DNAJC11: variants seen among roughly 807,000 people sequenced by gnomAD.
DNAJC11 encodes the protein dnaJ homolog subfamily C member 11.
In DNAJC11, 15 loss-of-function variants were observed where a neutral mutation model predicts 78.6. The observed-to-expected ratio is 0.19, with a 90% confidence interval of 0.13 to 0.29. The LOEUF is 0.29. Ranked by LOEUF, DNAJC11 falls within the 10% of genes least tolerant of loss-of-function variation. The probability of loss-of-function intolerance (pLI) is 1.00; values close to 1 mark genes in which losing one functional copy is unlikely to be tolerated. For synonymous variants in DNAJC11, 292 were observed against 272.1 expected (o/e 1.07, Z -0.72); for missense variants, 547 against 709.6 (o/e 0.77, Z 2.60).
In DNAJC11 at chr1:6,653,920, C is replaced by CTGGG; in HGVS notation, c.494_497dup (p.Gln166HisfsTer5). 6.2e-7 allele frequency: 1 copy of CTGGG among 1,612,460 alleles called. No homozygotes were observed. Among genetic ancestry groups the CTGGG allele is most frequent in the Non-Finnish European group, 8.5e-7 (1 of 1,178,774 alleles). Reference sequence around the variant, plus strand: ...TGGTTGTGTGCTTTACCTCAATGGACTGGGATATGTGCATTTTATTAATTT... The same window carrying CTGGG: ...TGGTTGTGTGCTTTACCTCAATGGACTGGGTGGGATATGTGCATTTTATTAATTT... On this transcript the variant is annotated frameshift_variant, in exon 5 of 16. Transcript: ENST00000377577. LOFTEE classifies it high-confidence loss of function. This position sits in a 1 kb window ranked among gnomAD's most constrained non-coding sequence, Gnocchi z 4.5.
intron 1 of DNAJC11, among the ~76,000 whole-genome samples, chr1:6,699,755 T>A (rs548216665): frequency 1.6e-4 from 24 of 149,260 alleles, no homozygotes; most frequent in African/African-American, 4.9e-4. Context: ...AAGTATAATT[T>A]AAAAAAAAAA....
Position 6,652,856 on chromosome 1 carries a change from T to C in DNAJC11, c.603A>G (p.Arg201=). 3.7e-6 allele frequency: 6 copies of C among 1,614,216 alleles called. No homozygotes were observed. The highest frequency in any genetic ancestry group is 5.1e-6 in the Non-Finnish European group (6 of 1,180,052). The stretch of plus-strand genomic sequence containing the variant: ...CTCCCCATCCCTTTGCCGAAGTTAC[T>C]CGTCTGAGCGCAAAGTTAATGGAAC... The part of the protein sequence containing the change: ...GGGSINFALR[R]VTSAKGWGEL... Residue 201 remains arginine, a synonymous_variant, in exon 6 of 16, where the codon CGA becomes CGG. Coordinates refer to ENST00000377577, the MANE Select transcript of DNAJC11 (RefSeq NM_018198.4).
intron 1 of DNAJC11, among the ~76,000 whole-genome samples, chr1:6,700,070 T>C (rs1320436423): frequency 1.3e-5 from 2 of 152,186 alleles, no homozygotes; most frequent in Admixed American, 6.5e-5. Context: ...TATTCCACCA[T>C]GGTGATTTAC....
intron 7 of DNAJC11, among the ~76,000 whole-genome samples, chr1:6,650,023 C>T (rs905218771): frequency 6.6e-6 from 1 of 151,918 alleles, no homozygotes; most frequent in Non-Finnish European, 1.5e-5. Context: ...GTGGCTCACA[C>T]CTGTAATGCC....
intron 1 of DNAJC11, among the ~76,000 whole-genome samples, chr1:6,698,092 G>A (rs1446105763): frequency 6.6e-6 from 1 of 152,130 alleles, no homozygotes; most frequent in Non-Finnish European, 1.5e-5. Context: ...CCCAGCCTAT[G>A]CTTATAATTT....
At chr1:6,650,167 T>G (rs1396496803) in intron 7 of DNAJC11, among the ~76,000 whole-genome samples, 1 of 151,610 alleles carries the variant, frequency 6.6e-6, no homozygotes, top group Non-Finnish European at 1.5e-5. Context: ...TCCCAGCTAC[T>G]CAGGAGGGTC....
chr1:6,680,817 ACTCTCTTTTTCTATCCTCTACAAAT>A lies in DNAJC11; in HGVS notation c.202+66_202+90del. 1 of 1,500,192 alleles carries A rather than the reference ACTCTCTTTTTCTATCCTCTACAAAT, an allele frequency of 6.7e-7. No individual in the cohort carries two copies. Among genetic ancestry groups the A allele is most frequent in the South Asian group, 1.2e-5 (1 of 80,462 alleles). 92.9% of individuals were successfully genotyped at this position (1,500,192 alleles called of 1,614,324 possible). ...CCACCTGTTTTATATACCTCTAAGG[ACTCTCTTTTTCTATCCTCTACAAAT>A]CGCACCTCCTAAAAATCGAATATCT... On this transcript the variant is annotated intron_variant, in intron 2 of 15. Coordinates refer to ENST00000377577, the MANE Select transcript of DNAJC11 (RefSeq NM_018198.4). This position sits in a 1 kb window ranked among gnomAD's most constrained non-coding sequence, Gnocchi z 4.0.
chr1:6,677,171 A>AC lies in DNAJC11; in HGVS notation c.276+1222_276+1223insG, dbSNP rs1338774144. Among the ~76,000 whole-genome samples, 4 of 151,386 alleles carry AC rather than the reference A, an allele frequency of 2.6e-5. 1 individual carries two copies. Among genetic ancestry groups the AC allele is most frequent in the Admixed American group, 2.0e-4 (3 of 15,132 alleles). ...AAAACTTGGTCTCAAAAAAAAAAAA[A>AC]AAACAAAAAAAACGAAGGAACTTCA... On this transcript the variant is annotated intron_variant, in intron 3 of 15. Coordinates refer to ENST00000377577, the MANE Select transcript of DNAJC11 (RefSeq NM_018198.4).
intron 4 of DNAJC11, among the ~76,000 whole-genome samples, chr1:6,664,056 C>T (rs904485825): frequency 2.6e-5 from 4 of 152,122 alleles, no homozygotes; most frequent in Non-Finnish European, 5.9e-5. Context: ...GTTTCATCAG[C>T]TGGAGCCAGC....
At chr1:6,637,760 C>A in intron 12 of DNAJC11, 1 of 573,282 alleles carries the variant, frequency 1.7e-6, no homozygotes, top group Non-Finnish European at 3.1e-6. Flanking sequence ...CCGGTGGGAG[C>A]TCCCTTTCTA....
intron 1 of DNAJC11, among the ~76,000 whole-genome samples, chr1:6,690,881 G>T (rs1216899448): frequency 6.6e-6 from 1 of 152,136 alleles, no homozygotes; most frequent in Non-Finnish European, 1.5e-5. Context: ...CATCTTTGTT[G>T]AGGACAGAGG....
At chr1:6,700,368 C>T (rs1317794704) in intron 1 of DNAJC11, among the ~76,000 whole-genome samples, 1 of 152,158 alleles carries the variant, frequency 6.6e-6, no homozygotes, top group East Asian at 1.9e-4. Context: ...TTATTGCTCA[C>T]ACAAAGCCTG....
chr1:6,649,623 C>T (rs1046108744), intron 7 of DNAJC11, among the ~76,000 whole-genome samples: 2 of 152,188 alleles, frequency 1.3e-5, no homozygotes, highest in Non-Finnish European at 1.5e-5. Context: ...CACAGACAAA[C>T]GACCAGACTA....
intron 4 of DNAJC11, among the ~76,000 whole-genome samples, chr1:6,655,449 A>G (rs1018265836): frequency 7.9e-5 from 12 of 152,242 alleles, no homozygotes; most frequent in Non-Finnish European, 1.3e-4. Flanking sequence ...CAAATTTTTT[A>G]TATTCACAGA....
chr1:6,701,114 C>A (rs1349344944), intron 1 of DNAJC11, among the ~76,000 whole-genome samples: 1 of 152,186 alleles, frequency 6.6e-6, no homozygotes, highest in African/African-American at 2.4e-5. Flanking sequence ...TAATCTGCAG[C>A]CTCCGAGCCG....
intron 1 of DNAJC11, among the ~76,000 whole-genome samples, chr1:6,692,911 T>A (rs967180483): frequency 2.1e-5 from 3 of 145,670 alleles, no homozygotes; most frequent in African/African-American, 7.7e-5. Flanking sequence ...GCGCCCAGCC[T>A]CTTTTTTTTT....
intron 4 of DNAJC11, among the ~76,000 whole-genome samples, chr1:6,659,615 A>C (rs1426045866): frequency 6.6e-6 from 1 of 151,844 alleles, no homozygotes; most frequent in Non-Finnish European, 1.5e-5. Flanking sequence ...CAAAAACATG[A>C]GCCGGGCATG....
At chr1:6,682,951 C>A (rs60503692) in intron 1 of DNAJC11, among the ~76,000 whole-genome samples, 2,987 of 152,180 alleles carry the variant, frequency 0.02, 86 homozygotes, top group African/African-American at 0.068. Flanking sequence ...TTCAGCTTGC[C>A]CTTTAAAGCA....
At chr1:6,688,943 C>G (rs1366023364) in intron 1 of DNAJC11, among the ~76,000 whole-genome samples, 1 of 152,178 alleles carries the variant, frequency 6.6e-6, no homozygotes, top group Non-Finnish European at 1.5e-5. Context: ...AATGGTGACT[C>G]AGACAGCCAC....
Sources: gnomAD v4.1 joint callset for allele counts (sites outside exome capture counted in the v4.1 genomes callset) on GRCh38, gnomAD v4.1.1 for gene constraint, Gnocchi (gnomAD v3.1) non-coding constraint, MANE v1.5 for transcripts, NCBI Gene and HGNC (gene_info 2026-07-23, HGNC 2026-07-21) for gene names.